SMOC1: variants seen among roughly 807,000 people sequenced by gnomAD.
SMOC1 encodes the protein SPARC-related modular calcium-binding protein 1.
Under a neutral mutation model 56.3 loss-of-function variants are expected in SMOC1, and 22 were observed. The ratio of observed to expected loss-of-function variants is 0.39; its 90% CI spans 0.28 to 0.56. The LOEUF is 0.56. Ranked by LOEUF, SMOC1 falls within the 20% of genes least tolerant of loss-of-function variation. The pLI is 0.61. For missense variants in SMOC1, 509 were observed against 565.4 expected, an observed-to-expected ratio of 0.90 and a Z score of 1.01; for synonymous variants, 193 against 215.0, an observed-to-expected ratio of 0.90 and a Z score of 0.89.
intron 7 of SMOC1, among the ~76,000 whole-genome samples, chr14:70,010,232 C>G (rs1313765497): frequency 6.6e-6 from 1 of 152,232 alleles, no homozygotes; most frequent in Non-Finnish European, 1.5e-5. Flanking sequence ...GACCTTGTTT[C>G]TGCTCCTCCT....
intron 1 of SMOC1, among the ~76,000 whole-genome samples, chr14:69,913,455 C>CGTGT (rs71448304): frequency 8.4e-4 from 127 of 150,896 alleles, no homozygotes; most frequent in Admixed American, 2.2e-3. Flanking sequence ...AATGAATTGG[C>CGTGT]GTGTGTGTGT....
chr14:69,950,570 C>G (rs61981760), intron 1 of SMOC1, among the ~76,000 whole-genome samples: 6,328 of 152,282 alleles, frequency 0.042, 157 homozygotes, highest in Non-Finnish European at 0.05. Context: ...ATGACATTGC[C>G]ATTCATTATT....
intron 7 of SMOC1, among the ~76,000 whole-genome samples, chr14:70,008,653 C>A (rs1885226739): frequency 1.3e-5 from 2 of 152,194 alleles, no homozygotes; most frequent in South Asian, 4.1e-4. Context: ...GAAGCGCCCC[C>A]CTTCTCTCTT....
At position 69,879,696 on chromosome 14, in the gene SMOC1, C is replaced by T. The variant is rs1883578295; in HGVS notation, c.18C>T (p.Cys6=). The T allele has an allele frequency of 1.3e-6, 2 of 1,572,378 alleles. No individual in the cohort carries two copies. Among genetic ancestry groups the T allele is most frequent in the Non-Finnish European group, 1.7e-6 (2 of 1,168,470 alleles). Residue 6 remains cysteine, a synonymous_variant, in exon 1 of 12, where the codon TGC becomes TGT. Coordinates refer to ENST00000361956, the MANE Select transcript of SMOC1 (RefSeq NM_001034852.3). The part of the protein sequence containing the change: MLPAR[C]ARLLTPHLLL... The stretch of plus-strand genomic sequence containing the variant: ...CTGGCACCATGCTGCCCGCGCGCTG[C>T]GCCCGCCTGCTCACGCCCCACTTGC...
intron 10 of SMOC1, among the ~76,000 whole-genome samples, chr14:70,017,615 GA>G (rs933395563): frequency 6.6e-6 from 1 of 152,126 alleles, no homozygotes; most frequent in Non-Finnish European, 1.5e-5. Context: ...GGACAGTGCA[GA>G]AAAAAGGTGC....
At chr14:70,023,706 G>A (rs181959506) in intron 11 of SMOC1, among the ~76,000 whole-genome samples, 1 of 152,274 alleles carries the variant, frequency 6.6e-6, no homozygotes, top group African/African-American at 2.4e-5. Flanking sequence ...GCTAGGGTGG[G>A]CCAGGCTACA....
chr14:69,955,729 T>C (rs545903186), intron 3 of SMOC1, among the ~76,000 whole-genome samples: 12 of 152,248 alleles, frequency 7.9e-5, no homozygotes, highest in Admixed American at 4.6e-4. Context: ...AATCCCCAAG[T>C]TGGAAAATGG....
At chr14:70,010,687 G>C in intron 7 of SMOC1, 67 bp from the exon 8 acceptor site, 1 of 1,555,246 alleles carries the variant, frequency 6.4e-7, no homozygotes, top group Non-Finnish European at 8.9e-7. Context: ...TTGGATGCTG[G>C]GCACAGAAGA....
Position 70,013,476 on chromosome 14 carries a change from C to T in SMOC1, c.1031C>T (p.Pro344Leu). Residue 344 changes from proline to leucine, a missense_variant, in exon 10 of 12, where the codon CCC becomes CTC. Coordinates refer to ENST00000361956, the MANE Select transcript of SMOC1 (RefSeq NM_001034852.3). Reference sequence around the variant, plus strand: ...GTTCAGGCCATTAACTCAGCAGCGCCCACTGGAGGTGGGAGGTGAGATTGT... The same window carrying T: ...GTTCAGGCCATTAACTCAGCAGCGCTCACTGGAGGTGGGAGGTGAGATTGT... ...DMVQAINSAA[P>L]TGGGRFSEPD... 1 of 1,614,154 alleles carries T rather than the reference C, an allele frequency of 6.2e-7. No individual in the cohort carries two copies. The highest frequency in any genetic ancestry group is 2.2e-5 in the East Asian group (1 of 44,880).
At chr14:70,001,425 A>G (rs1302530647) in intron 7 of SMOC1, among the ~76,000 whole-genome samples, 2 of 152,318 alleles carry the variant, frequency 1.3e-5, no homozygotes, top group Admixed American at 6.5e-5. Flanking sequence ...GGTGTGGTCC[A>G]TACCAGTGGG....
intron 11 of SMOC1, among the ~76,000 whole-genome samples, chr14:70,024,178 G>A (rs544540810): frequency 6.6e-6 from 1 of 152,262 alleles, no homozygotes; most frequent in South Asian, 2.1e-4. Flanking sequence ...TAGGGGAAGG[G>A]AACCCAAGAA....
chr14:69,905,096 A>G (rs957210590), intron 1 of SMOC1, among the ~76,000 whole-genome samples: 3 of 152,208 alleles, frequency 2.0e-5, no homozygotes, highest in Non-Finnish European at 2.9e-5. Flanking sequence ...TGATGATAAT[A>G]CAAACAAATG....
At chr14:69,978,758 C>A (rs187653187) in intron 5 of SMOC1, among the ~76,000 whole-genome samples, 124 of 152,206 alleles carry the variant, frequency 8.1e-4, no homozygotes, top group African/African-American at 2.9e-3. Context: ...GCACTTTTCC[C>A]TGCTTTTTGA....
intron 1 of SMOC1, among the ~76,000 whole-genome samples, chr14:69,909,154 A>G (rs1028600148): frequency 2.6e-5 from 4 of 151,536 alleles, no homozygotes; most frequent in Admixed American, 2.6e-4. Context: ...AAATCTCCAT[A>G]CTCCTAGGGC....
At chr14:70,023,829 A>AAGTG (rs1555365151) in intron 11 of SMOC1, among the ~76,000 whole-genome samples, 1 of 144,944 alleles carries the variant, frequency 6.9e-6, no homozygotes, top group Non-Finnish European at 1.5e-5. Flanking sequence ...GAGTGTGTGT[A>AAGTG]TGTGTGTGTG....
intron 1 of SMOC1, among the ~76,000 whole-genome samples, chr14:69,889,564 A>T (rs989263002): frequency 6.6e-6 from 1 of 152,118 alleles, no homozygotes; most frequent in African/African-American, 2.4e-5. Context: ...GATTTGTCCA[A>T]TGGAGGTCAC....
chr14:69,908,232 T>C (rs1460375927), intron 1 of SMOC1, among the ~76,000 whole-genome samples: 1 of 152,192 alleles, frequency 6.6e-6, no homozygotes, highest in African/African-American at 2.4e-5. Context: ...ACCAAAACGT[T>C]GATCTGGGTG....
intron 1 of SMOC1, among the ~76,000 whole-genome samples, chr14:69,926,583 T>C (rs1885017939): frequency 6.6e-6 from 1 of 152,192 alleles, no homozygotes; most frequent in African/African-American, 2.4e-5. Flanking sequence ...GATCAAGTGG[T>C]CTTTTGTTCA....
chr14:69,957,000 T>C (rs1335723831), intron 3 of SMOC1, among the ~76,000 whole-genome samples: 1 of 152,182 alleles, frequency 6.6e-6, no homozygotes, highest in Non-Finnish European at 1.5e-5. Flanking sequence ...CTCGATTGCA[T>C]CCTTGAGACG....
Sources: gnomAD v4.1 joint callset for allele counts (sites outside exome capture counted in the v4.1 genomes callset) on GRCh38, gnomAD v4.1.1 for gene constraint, MANE v1.5 for transcripts, NCBI Gene and HGNC (gene_info 2026-07-23, HGNC 2026-07-21) for gene names.